The following TBC1D31 variants were observed in gnomAD, a reference collection of about 807,000 sequenced individuals.
TBC1D31 encodes the protein TBC1 domain family member 31.
In TBC1D31, 99 loss-of-function variants were observed where a neutral mutation model predicts 132.9. The ratio of observed to expected loss-of-function variants is 0.74; its 90% CI spans 0.63 to 0.88. The LOEUF (loss-of-function observed/expected upper bound fraction) is 0.88, where lower values mean the gene tolerates loss of function less well. Ranked by LOEUF, TBC1D31 falls within the 40% of genes least tolerant of loss-of-function variation. TBC1D31 has a pLI of 0.00. For missense variants in TBC1D31, 1,134 were observed against 1,256.6 expected (o/e 0.90, Z 1.48); for synonymous variants, 385 against 419.4 (o/e 0.92, Z 1.00).
rs769112524 is a variant in TBC1D31 at position 123,144,798 on chromosome 8, T to A, written c.2917T>A (p.Phe973Ile). The A allele has an allele frequency of 6.2e-7, 1 of 1,613,732 alleles. No homozygotes were observed. Among genetic ancestry groups the A allele is most frequent in the South Asian group, 1.1e-5 (1 of 90,956 alleles). ...SALSDASRKW[F>I]LKQEINAAVE... ...TCTTTCAGATGCGTCTAGAAAGTGG[T>A]TTTTAAAGCAAGAGATAAATGCGGC... The change falls in exon 20 of 22, where the codon TTT becomes ATT. Residue 973 changes from phenylalanine to isoleucine, a missense_variant. By Grantham distance (21) the Phe-to-Ile change is conservative. Coordinates refer to ENST00000287380, the MANE Select transcript of TBC1D31 (RefSeq NM_145647.4).
At chr8:123,152,976 T>C (rs1370242286), downstream of TBC1D31, among the ~76,000 whole-genome samples, 1 of 152,236 alleles carries the variant, frequency 6.6e-6, no homozygotes, top group Admixed American at 6.5e-5. Context: ...CCACGAAGCA[T>C]AATCTTATGG....
In TBC1D31 at chr8:123,112,571, T is replaced by C. The variant is rs77183258; in HGVS notation, c.1436+2951T>C. Among the ~76,000 whole-genome samples, 575 of 152,362 alleles carry C rather than the reference T, an allele frequency of 3.8e-3. 2 individuals carry two copies. Among genetic ancestry groups the C allele is most frequent in the African/African-American group, 0.013 (556 of 41,578 alleles). On this transcript the variant is annotated intron_variant, in intron 10 of 21. Transcript: ENST00000287380. ...TTAAAGCAATGTACAGAAATATTCA[T>C]CTTTTTTTTATACCTGCATTATGCA...
chr8:123,093,610 G>C lies in TBC1D31; in HGVS notation c.539G>C (p.Ser180Thr), dbSNP rs1265372315. ...GIQKVFFLPL[S>T]NTILSCFKDN... ...CCTTAGGTTTTCTTTCTACCATTAA[G>C]TAATACCATCCTCAGCTGTTTTAAA... is the stretch of plus-strand genomic sequence containing the variant. Residue 180 changes from serine to threonine, a missense_variant, in exon 5 of 22, where the codon AGT becomes ACT. By Grantham distance (58) the Ser-to-Thr change is moderately conservative. Coordinates refer to ENST00000287380, the MANE Select transcript of TBC1D31 (RefSeq NM_145647.4). 1 of 1,606,990 alleles carries C rather than the reference G, an allele frequency of 6.2e-7. No homozygotes were observed. Among genetic ancestry groups the C allele is most frequent in the Non-Finnish European group, 8.5e-7 (1 of 1,175,512 alleles).
the TBC1D31 span, among the ~76,000 whole-genome samples, chr8:123,157,985 T>C: frequency 6.6e-6 from 1 of 151,622 alleles, no homozygotes; most frequent in Non-Finnish European, 1.5e-5. Flanking sequence ...CAGTGCCCTG[T>C]TGCACACTTG....
intron 16 of TBC1D31, 33 bp downstream of exon 16, chr8:123,130,366 A>T: frequency 6.3e-7 from 1 of 1,584,088 alleles, no homozygotes; most frequent in Non-Finnish European, 8.6e-7. Context: ...CTCATACATC[A>T]TCTCCATTTA....
intron 8 of TBC1D31, among the ~76,000 whole-genome samples, chr8:123,107,270 G>C (rs1818018738): frequency 6.6e-6 from 1 of 152,116 alleles, no homozygotes; most frequent in African/African-American, 2.4e-5. Context: ...ACCGGCTTGT[G>C]TTCACTTTTT....
intron 4 of TBC1D31, among the ~76,000 whole-genome samples, chr8:123,089,399 G>A (rs919994065): frequency 5.3e-5 from 8 of 152,194 alleles, no homozygotes; most frequent in African/African-American, 1.9e-4. Context: ...CCTATGATAG[G>A]ATTATCTCAG....
chr8:123,109,645 G>A, intron 10 of TBC1D31, 25 bp downstream of exon 10: 2 of 1,572,812 alleles, frequency 1.3e-6, no homozygotes, highest in Middle Eastern at 3.4e-4. Context: ...TTGCAGCAAT[G>A]TGTATGAGAC....
Position 123,100,906 on chromosome 8 carries a change from T to G in TBC1D31, c.931T>G (p.Ser311Ala). 6.2e-7 allele frequency: 1 copy of G among 1,613,870 alleles called. No homozygotes were observed. Among genetic ancestry groups the G allele is most frequent in the East Asian group, 2.2e-5 (1 of 44,856 alleles). Residue 311 changes from serine (S) to alanine (A), a missense_variant, in exon 7 of 22, where the codon TCA becomes GCA. Coordinates refer to ENST00000287380, the MANE Select transcript of TBC1D31 (RefSeq NM_145647.4). ...EIGSLDEGIS[S>A]SAISPHGRYI... ...TGGGAGCCTCGATGAAGGAATTAGC[T>G]CATCAGCAATTAGCCCACATGGACG... is the stretch of plus-strand genomic sequence containing the variant.
chr8:123,102,157 G>C (rs1817490462), intron 7 of TBC1D31: 2 of 450,314 alleles, frequency 4.4e-6, no homozygotes, highest in Non-Finnish European at 8.9e-6. Context: ...CAGTCATATT[G>C]TCCGTGTGTC....
chr8:123,125,635 C>T (rs914431655), intron 11 of TBC1D31, among the ~76,000 whole-genome samples: 1 of 152,020 alleles, frequency 6.6e-6, no homozygotes, highest in Non-Finnish European at 1.5e-5. Flanking sequence ...CTTAAGTTTT[C>T]TAATTTTGAT....
At chr8:123,116,417 C>T (rs558832697) in intron 10 of TBC1D31, among the ~76,000 whole-genome samples, 148 of 152,098 alleles carry the variant, frequency 9.7e-4, no homozygotes, top group South Asian at 6.9e-3. Flanking sequence ...TCAATAGAGA[C>T]GAGAGCCAGG....
intron 15 of TBC1D31, 65 bp from the exon 16 acceptor site, chr8:123,130,133 A>G (rs1820468070): frequency 6.6e-7 from 1 of 1,516,212 alleles, no homozygotes; most frequent in African/African-American, 1.4e-5. Flanking sequence ...CAGACCTGTT[A>G]TGAAAAAACT....
At chr8:123,091,122 A>AAGT (rs1307776143) in intron 4 of TBC1D31, among the ~76,000 whole-genome samples, 1 of 152,120 alleles carries the variant, frequency 6.6e-6, no homozygotes, top group African/African-American at 2.4e-5. Context: ...TAATGTTTTG[A>AAGT]AGTTTTTCCT....
chr8:123,079,542 ACTGT>A (rs1430621284), intron 2 of TBC1D31, among the ~76,000 whole-genome samples: 1 of 152,170 alleles, frequency 6.6e-6, no homozygotes, highest in Non-Finnish European at 1.5e-5. Flanking sequence ...AATCAGTACC[ACTGT>A]CTATTTGCTA....
intron 10 of TBC1D31, among the ~76,000 whole-genome samples, chr8:123,114,568 C>T (rs749878670): frequency 1.3e-5 from 2 of 152,138 alleles, no homozygotes; most frequent in African/African-American, 2.4e-5. Flanking sequence ...GTGATCTGCT[C>T]GCCTCGGCCT....
At chr8:123,150,260 A>G (rs750852871) in intron 21 of TBC1D31, 132 bp downstream of exon 21, 43 of 670,406 alleles carry the variant, frequency 6.4e-5, no homozygotes, top group Non-Finnish European at 1.1e-4. Flanking sequence ...GAAATCCTAA[A>G]AGGGAGGCAG....
At chr8:123,123,684 A>G (rs1025069085) in intron 11 of TBC1D31, 1 of 152,504 alleles carries the variant, frequency 6.6e-6, no homozygotes, top group Non-Finnish European at 1.5e-5. Flanking sequence ...AAGACAATGA[A>G]TAAGTTGGTT....
At position 123,081,935 on chromosome 8, in the gene TBC1D31, G is replaced by C. The variant is rs903012295; in HGVS notation, c.225-767G>C. 3.3e-5 allele frequency among the ~76,000 whole-genome samples: 5 copies of C among 152,328 alleles called. No individual in the cohort carries two copies. In the East Asian group the frequency reaches 9.7e-4, roughly 29 times the overall value. ...TCAAGATGAGATTTGGGTGGGGACAGAGCCAAAGCGTATCATATATTATCA... is the reference window on the plus strand; with the variant it reads ...TCAAGATGAGATTTGGGTGGGGACACAGCCAAAGCGTATCATATATTATCA... On this transcript the variant is annotated intron_variant, in intron 2 of 21. Transcript: ENST00000287380.
Sources: allele counts gnomAD v4.1 joint callset (sites outside exome capture counted in the v4.1 genomes callset), GRCh38; gene constraint gnomAD v4.1.1; transcripts MANE v1.5; gene names NCBI Gene and HGNC (gene_info 2026-07-23, HGNC 2026-07-21).